The following CYP2C18 variants were observed in gnomAD, a reference collection of about 807,000 sequenced individuals.
CYP2C18 encodes the protein cytochrome P450 2C18.
A neutral mutation model predicts 41.3 loss-of-function variants in CYP2C18; 38 were observed. That is an observed-to-expected ratio of 0.92 (90% CI 0.71 to 1.21). CYP2C18 has a LOEUF of 1.21. Among genes scored for constraint, CYP2C18 ranks in the 50% most tolerant of loss-of-function variants. The pLI, the probability that CYP2C18 is intolerant of heterozygous loss-of-function variation, is 0.00. For synonymous variants in CYP2C18, 236 were observed against 210.0 expected (o/e 1.12, Z -1.07); for missense variants, 635 against 591.4 (o/e 1.07, Z -0.77).
intron 4 of CYP2C18, 77 bp downstream of exon 4, chr10:94,695,154 A>G: frequency 7.6e-7 from 1 of 1,313,478 alleles, no homozygotes; most frequent in Middle Eastern, 2.7e-4. Flanking sequence ...TAATTTTTTA[A>G]AATTATACTT....
At chr10:94,712,910 T>G (rs1253568057) in intron 5 of CYP2C18, among the ~76,000 whole-genome samples, 1 of 152,158 alleles carries the variant, frequency 6.6e-6, no homozygotes, top group Non-Finnish European at 1.5e-5. Context: ...CTCATTGTGT[T>G]TTTAATTTGT....
chr10:94,687,521 A>G (rs1564636598), intron 1 of CYP2C18, among the ~76,000 whole-genome samples: 1 of 152,234 alleles, frequency 6.6e-6, no homozygotes, highest in Non-Finnish European at 1.5e-5. Context: ...AAAATAGAGT[A>G]AACAAGGTGT....
At chr10:94,727,926 T>G (rs1847770942) in intron 7 of CYP2C18, among the ~76,000 whole-genome samples, 1 of 152,108 alleles carries the variant, frequency 6.6e-6, no homozygotes, top group Non-Finnish European at 1.5e-5. Flanking sequence ...AACAAGGACT[T>G]TCTCCTACAT....
chr10:94,734,034 G>A (rs559881126), intron 8 of CYP2C18, among the ~76,000 whole-genome samples: 22 of 152,146 alleles, frequency 1.4e-4, no homozygotes, highest in Admixed American at 7.9e-4. Flanking sequence ...CCAAGAGGAA[G>A]GAAACTTAAG....
intron 4 of CYP2C18, among the ~76,000 whole-genome samples, chr10:94,702,733 C>G (rs1189145981): frequency 6.6e-6 from 1 of 152,042 alleles, no homozygotes; most frequent in Non-Finnish European, 1.5e-5. Flanking sequence ...CTACTTCTGT[C>G]AGTTTGTCAA....
At chr10:94,689,668 G>A (rs1320215606) in intron 3 of CYP2C18, among the ~76,000 whole-genome samples, 1 of 151,954 alleles carries the variant, frequency 6.6e-6, no homozygotes, top group African/African-American at 2.4e-5. Flanking sequence ...GGAGAATATT[G>A]ACAATATTAT....
At chr10:94,707,773 G>A (rs947274673) in intron 5 of CYP2C18, among the ~76,000 whole-genome samples, 5 of 152,134 alleles carry the variant, frequency 3.3e-5, no homozygotes, top group African/African-American at 1.2e-4. Context: ...AAAAATCTAT[G>A]GATATTAGTT....
At chr10:94,719,899 CAG>C (rs1180761109) in intron 5 of CYP2C18, among the ~76,000 whole-genome samples, 1 of 150,900 alleles carries the variant, frequency 6.6e-6, no homozygotes, top group Non-Finnish European at 1.5e-5. Flanking sequence ...TTTTTAGAGA[CAG>C]GGGGTCTCAC....
At chr10:94,728,699 A>G in intron 7 of CYP2C18, 1 of 602,422 alleles carries the variant, frequency 1.7e-6, no homozygotes, top group Non-Finnish European at 2.1e-6. Flanking sequence ...TCAGACCTCC[A>G]TTTTAAAAAA....
At chr10:94,688,607 G>C (rs1445809997) in intron 3 of CYP2C18, among the ~76,000 whole-genome samples, 1 of 152,164 alleles carries the variant, frequency 6.6e-6, no homozygotes. Context: ...CTCATATGGA[G>C]GGTGGAGGTT....
intron 3 of CYP2C18, among the ~76,000 whole-genome samples, chr10:94,694,223 A>G (rs1271002673): frequency 6.6e-6 from 1 of 152,178 alleles, no homozygotes; most frequent in Non-Finnish European, 1.5e-5. Flanking sequence ...ATAAGGAAAT[A>G]AAAGGACTCC....
intron 7 of CYP2C18, 105 bp downstream of exon 7, chr10:94,724,638 C>T: frequency 8.8e-7 from 1 of 1,132,154 alleles, no homozygotes; most frequent in African/African-American, 1.5e-5. Flanking sequence ...GTGTAAAATT[C>T]ATACGTGGGG....
Position 94,706,787 on chromosome 10 carries a change from T to A in CYP2C18, c.646T>A (p.Cys216Ser), listed in dbSNP as rs1187547167. The A allele has an allele frequency of 1.3e-6, 2 of 1,548,314 alleles. No homozygotes were observed. Among genetic ancestry groups the A allele is most frequent in the Non-Finnish European group, 1.8e-6 (2 of 1,136,654 alleles). Residue 216 changes from cysteine to serine, a missense_variant, in exon 5 of 9, where the codon TGC (cysteine) becomes AGC (serine). Cys to Ser is a moderately radical substitution (Grantham distance 112). Coordinates refer to ENST00000285979, the MANE Select transcript of CYP2C18 (RefSeq NM_000772.3). ...RILSSPWIQV[C>S]NNFPALIDYL... is the part of the protein sequence containing the mutation. ...TTAATTTTTAAAAATCTTTAAGGTC[T>A]GCAATAATTTCCCTGCTCTCATCGA...
intron 4 of CYP2C18, among the ~76,000 whole-genome samples, chr10:94,704,463 G>A (rs1031367903): frequency 2.0e-5 from 3 of 151,350 alleles, no homozygotes; most frequent in Admixed American, 6.6e-5. Context: ...CTTGAATGTG[G>A]AGAGGCAAAA....
At chr10:94,696,126 A>G (rs931956247) in intron 4 of CYP2C18, among the ~76,000 whole-genome samples, 1 of 145,810 alleles carries the variant, frequency 6.9e-6, no homozygotes, top group Non-Finnish European at 1.5e-5. Context: ...ACAGCTTTGA[A>G]GAGAGTAGTG....
chr10:94,696,896 T>G (rs1345942184), intron 4 of CYP2C18, among the ~76,000 whole-genome samples: 1 of 151,966 alleles, frequency 6.6e-6, no homozygotes, highest in East Asian at 1.9e-4. Context: ...GAAGATCAAA[T>G]TAATGAAATG....
Position 94,733,367 on chromosome 10 carries a change from T to C in CYP2C18, c.1220T>C (p.Phe407Ser). The C allele has an allele frequency of 6.2e-7, 1 of 1,613,478 alleles. No homozygotes were observed. The highest frequency in any genetic ancestry group is 8.5e-7 in the Non-Finnish European group (1 of 1,179,600). Residue 407 changes from phenylalanine (F) to serine (S), a missense_variant, in exon 8 of 9, where the codon TTT becomes TCT. Physicochemically the swap from Phe to Ser is radical, Grantham distance 155. Transcript: ENST00000285979. ...NDKEFPNPEMFDPGHFLDKSG... is the reference protein window; with the variant it reads ...NDKEFPNPEMSDPGHFLDKSG... ...AAAGAATTCCCCAACCCAGAGATGT[T>C]TGACCCTGGCCACTTTCTGGATAAG...
chr10:94,709,548 C>G (rs1194648996), intron 5 of CYP2C18, among the ~76,000 whole-genome samples: 1 of 152,136 alleles, frequency 6.6e-6, no homozygotes. Flanking sequence ...CCCATTTTGT[C>G]AAGTGTCTTT....
intron 5 of CYP2C18, among the ~76,000 whole-genome samples, chr10:94,718,847 G>C (rs990473540): frequency 6.6e-6 from 1 of 152,090 alleles, no homozygotes; most frequent in Admixed American, 6.6e-5. Context: ...ATAGCTGTGG[G>C]GAACCTTAGA....
Sources: gnomAD v4.1 joint callset for allele counts (sites outside exome capture counted in the v4.1 genomes callset) on GRCh38, gnomAD v4.1.1 for gene constraint, MANE v1.5 for transcripts, NCBI Gene and HGNC (gene_info 2026-07-23, HGNC 2026-07-21) for gene names.